Variants in CROCC observed in about 807,000 individuals in gnomAD.
CROCC encodes the protein ciliary rootlet coiled-coil, rootletin, also known as rootletin.
In CROCC, 180 loss-of-function variants were observed where a neutral mutation model predicts 245.2. The ratio of observed to expected loss-of-function variants is 0.73; its 90% CI spans 0.65 to 0.83. The LOEUF (loss-of-function observed/expected upper bound fraction) is 0.83, where lower values mean the gene tolerates loss of function less well. CROCC is among the 40% of genes least tolerant of loss of function. CROCC has a pLI of 0.00. For missense variants in CROCC, 2,688 were observed against 2,779.4 expected, an observed-to-expected ratio of 0.97 and a Z score of 0.74; for synonymous variants, 1,205 against 1,241.6, an observed-to-expected ratio of 0.97 and a Z score of 0.62.
intron 25 of CROCC, among the ~76,000 whole-genome samples, chr1:16,956,950 C>G (rs114666925): frequency 0.019 from 2,948 of 152,290 alleles, 96 homozygotes; most frequent in African/African-American, 0.068. Context: ...TGGCCTCATT[C>G]AGCCCCTAGG....
intron 3 of CROCC, among the ~76,000 whole-genome samples, chr1:16,925,283 T>C (rs1185082949): frequency 6.6e-6 from 1 of 152,268 alleles, no homozygotes; most frequent in African/African-American, 2.4e-5. Context: ...GAGTGCCTAC[T>C]ATGTGCCAGG....
At chr1:16,935,123 C>T (rs1373111570) in intron 8 of CROCC, among the ~76,000 whole-genome samples, 6 of 152,266 alleles carry the variant, frequency 3.9e-5, no homozygotes, top group African/African-American at 1.4e-4. Flanking sequence ...TGGTCTTGAA[C>T]TCCTGACCTC....
Position 16,939,024 on chromosome 1 carries a change from G to A in CROCC, c.1490G>A (p.Arg497Gln), listed in dbSNP as rs760567591. 10 of 1,598,758 alleles carry A rather than the reference G, an allele frequency of 6.3e-6. No homozygotes were observed. In the African/African-American group the frequency reaches 6.7e-5, roughly 11 times the overall value. The change falls in exon 12 of 37, where the codon CGG (arginine) becomes CAG (glutamine). Residue 497 changes from arginine to glutamine, a missense_variant. Arg to Gln is a conservative substitution (Grantham distance 43). This residue lies in a region of CROCC where 972 missense variants were observed against 895.3 expected (regional missense o/e 1.09). Transcript: ENST00000375541. ...LSGQRTPSPP[R>Q]RSSPGRGRSP... ...GGCCAGCGGACCCCGTCCCCACCGC[G>A]GCGCTCCTCGCCCGGCCGAGGCCGT...
intron 13 of CROCC, among the ~76,000 whole-genome samples, chr1:16,943,641 C>T (rs2075981924): frequency 6.6e-6 from 1 of 152,290 alleles, no homozygotes; most frequent in Non-Finnish European, 1.5e-5. Flanking sequence ...CCAGTTGTTC[C>T]CTTCTCCTCC....
At chr1:16,964,125 TC>T (rs1472242525) in intron 27 of CROCC, among the ~76,000 whole-genome samples, 1 of 148,190 alleles carries the variant, frequency 6.7e-6, no homozygotes, top group Non-Finnish European at 1.5e-5. Flanking sequence ...TCTTTTCTTT[TC>T]TTTTTTCTTT....
chr1:16,933,378 A>T (rs2075720947), intron 8 of CROCC, among the ~76,000 whole-genome samples: 1 of 152,196 alleles, frequency 6.6e-6, no homozygotes, highest in Non-Finnish European at 1.5e-5. Context: ...GAGGCCCCAG[A>T]CTCGCCTGAA....
Position 16,966,392 on chromosome 1 carries a change from TG to T in CROCC, c.4697-13del. ...CTGTGCTTGGCCATGCCTGACGGGG[TG>T]GGTGGTGGCTACAGCCCGGCGCAGT... On this transcript the variant is annotated splice_polypyrimidine_tract_variant and intron_variant, in intron 29 of 36. Transcript: ENST00000375541. The surrounding 1 kb of genome is among the most constrained non-coding windows in gnomAD (Gnocchi z 4.8). 1 of 1,503,646 alleles carries T rather than the reference TG, an allele frequency of 6.7e-7. No homozygotes were observed. Among genetic ancestry groups the T allele is most frequent in the Non-Finnish European group, 8.9e-7 (1 of 1,127,208 alleles). The allele number at this position is 1,503,646 out of a possible 1,614,324, so 93.1% of individuals were successfully genotyped here.
intron 19 of CROCC, 93 bp from the exon 20 acceptor site, chr1:16,950,860 G>A (rs1272203451): frequency 7.0e-6 from 8 of 1,143,054 alleles, no homozygotes; most frequent in Admixed American, 6.8e-5. Context: ...CTGCCTCTGG[G>A]ATTTTGCCCA....
intron 36 of CROCC, 24 bp downstream of exon 36, chr1:16,971,671 T>G: frequency 1.4e-6 from 2 of 1,453,732 alleles, no homozygotes; most frequent in Non-Finnish European, 1.8e-6. Flanking sequence ...CTTAGAAGGC[T>G]GGGCCAGGAT....
At chr1:16,959,398 T>C (rs2076295357) in intron 26 of CROCC, among the ~76,000 whole-genome samples, 1 of 152,200 alleles carries the variant, frequency 6.6e-6, no homozygotes, top group Non-Finnish European at 1.5e-5. Flanking sequence ...CACCTAAGTC[T>C]GTCTGACTCC....
At position 16,954,840 on chromosome 1, in the gene CROCC, G is replaced by C. The variant is rs990265471; in HGVS notation, c.3428G>C (p.Arg1143Pro). The change falls in exon 23 of 37, where the codon CGA (arginine) becomes CCA (proline). Residue 1143 changes from arginine (R) to proline (P), a missense_variant. Transcript: ENST00000375541. This position sits in a 1 kb window ranked among gnomAD's most constrained non-coding sequence, Gnocchi z 4.4. The stretch of plus-strand genomic sequence containing the variant: ...GTGAGGAGGCTGCAAGAGCAGGCCC[G>C]AGACCTGGGCAAGCAGCGGGACTCC... ...QEVRRLQEQA[R>P]DLGKQRDSCL... 2 of 1,546,164 alleles carry C rather than the reference G, an allele frequency of 1.3e-6. No individual in the cohort carries two copies. The highest frequency in any genetic ancestry group is 8.8e-7 in the Non-Finnish European group (1 of 1,142,854).
intron 13 of CROCC, among the ~76,000 whole-genome samples, chr1:16,943,589 G>A (rs1557607856): frequency 6.6e-6 from 1 of 152,244 alleles, no homozygotes; most frequent in Non-Finnish European, 1.5e-5. Flanking sequence ...CGCACCTATG[G>A]CCAGTGGGGA....
At chr1:16,939,211 G>A in intron 12 of CROCC, 69 bp downstream of exon 12, 1 of 1,247,004 alleles carries the variant, frequency 8.0e-7, no homozygotes, top group Non-Finnish European at 1.0e-6. Flanking sequence ...CCTCCGGGTG[G>A]GGGCGGGGGC....
rs772576574 is a variant in CROCC at position 16,946,909 on chromosome 1, C to T, written c.2432C>T (p.Ala811Val). 2.6e-5 allele frequency: 41 copies of T among 1,564,256 alleles called. No homozygotes were observed. In the East Asian group the frequency reaches 5.0e-4, roughly 19 times the overall value. ...RQGLEGSLRV[A>V]EQAQEALEQQ... is the part of the protein sequence containing the mutation. Reference sequence around the variant, plus strand: ...GGCCTGGAGGGCTCCCTACGAGTGGCGGAGCAGGCCCAGGAGGCATTGGAG... The same window carrying T: ...GGCCTGGAGGGCTCCCTACGAGTGGTGGAGCAGGCCCAGGAGGCATTGGAG... Residue 811 changes from alanine (A) to valine (V), a missense_variant, in exon 17 of 37, where the codon GCG becomes GTG. Transcript: ENST00000375541.
chr1:16,936,311 A>C (rs1282466732), intron 8 of CROCC, among the ~76,000 whole-genome samples: 1 of 152,266 alleles, frequency 6.6e-6, no homozygotes, highest in Non-Finnish European at 1.5e-5. Context: ...TGTGTCACCC[A>C]GGCTGGAGTG....
chr1:16,965,917 A>T, intron 28 of CROCC, 25 bp downstream of exon 28: 1 of 1,606,490 alleles, frequency 6.2e-7, no homozygotes, highest in East Asian at 2.2e-5. Context: ...GCATGGCTGG[A>T]TGGGGAACCT....
At chr1:16,948,309 T>G (rs2100471806) in intron 17 of CROCC, 22 bp from the exon 18 acceptor site, 1 of 1,541,318 alleles carries the variant, frequency 6.5e-7, no homozygotes, top group East Asian at 2.3e-5. Flanking sequence ...GGAGTGCTAC[T>G]CAGTCTCTGG....
intron 3 of CROCC, among the ~76,000 whole-genome samples, chr1:16,926,727 G>A (rs2075543040): frequency 1.3e-5 from 2 of 152,270 alleles, no homozygotes; most frequent in South Asian, 2.1e-4. Context: ...AAAGGAGGGA[G>A]TGGTCACGCC....
rs755183815 is a variant in CROCC, at chr1:16,966,152, T to TC, written c.4696+35dup. ...TGATCCTCGGGGTCCCTGTTCTCTC[T>TC]CCTGTGTTTTGGGCAGTTGAGGCAG... On this transcript the variant is annotated intron_variant, in intron 29 of 36. Transcript: ENST00000375541. The surrounding 1 kb of genome is among the most constrained non-coding windows in gnomAD (Gnocchi z 4.8). 6.3e-7 allele frequency: 1 copy of TC among 1,589,558 alleles called. No individual in the cohort carries two copies. The highest frequency in any genetic ancestry group is 2.2e-5 in the East Asian group (1 of 44,446).
Sources: gnomAD v4.1 joint callset for allele counts (sites outside exome capture counted in the v4.1 genomes callset) on GRCh38, gnomAD v4.1.1 for gene constraint, gnomAD v4.1.1 regional missense constraint, Gnocchi (gnomAD v3.1) non-coding constraint, MANE v1.5 for transcripts, NCBI Gene and HGNC (gene_info 2026-07-23, HGNC 2026-07-21) for gene names.